Variants in CHD4 observed in about 807,000 individuals in gnomAD.
The protein encoded by CHD4 is chromodomain helicase DNA binding protein 4.
A neutral mutation model predicts 235.5 loss-of-function variants in CHD4; 35 were observed. The ratio of observed to expected loss-of-function variants is 0.15; its 90% CI spans 0.11 to 0.20. The LOEUF is 0.20. CHD4 is among the 10% of genes least tolerant of loss of function. The pLI is 1.00. For synonymous variants in CHD4, 900 were observed against 850.2 expected, an observed-to-expected ratio of 1.06 and a Z score of -1.02; for missense variants, 1,329 against 2,432.3, an observed-to-expected ratio of 0.55 and a Z score of 9.54.
chr12:6,577,265 CA>C (rs74687199), intron 37 of CHD4, among the ~76,000 whole-genome samples: 1 of 151,208 alleles, frequency 6.6e-6, no homozygotes, highest in African/African-American at 2.4e-5. Context: ...ACTAAAAATC[CA>C]AAAAAAACAG....
rs1565612552 is a variant in CHD4 at position 6,593,623 on chromosome 12, G to A, written c.2314-7C>T. ...AGGGGCCTTTGGAATGACCCTTTGA[G>A]AAAAAAGAGGAGAGTCAGGACTGAG... On this transcript the variant is annotated splice_region_variant and splice_polypyrimidine_tract_variant and intron_variant, in intron 15 of 39. Coordinates refer to ENST00000544040, the MANE Select transcript of CHD4 (RefSeq NM_001273.5). The surrounding 1 kb of genome is among the most constrained non-coding windows in gnomAD (Gnocchi z 4.9). 4 of 1,612,370 alleles carry A rather than the reference G, an allele frequency of 2.5e-6. No individual in the cohort carries two copies. Among genetic ancestry groups the A allele is most frequent in the Admixed American group, 3.4e-5 (2 of 59,454 alleles).
intron 14 of CHD4, among the ~76,000 whole-genome samples, 161 bp downstream of exon 14, chr12:6,595,173 G>A (rs563520956): frequency 6.6e-6 from 1 of 151,518 alleles, no homozygotes; most frequent in African/African-American, 2.4e-5. Flanking sequence ...AGTGCTTTCT[G>A]ATATATAGAG....
intron 12 of CHD4, among the ~76,000 whole-genome samples, chr12:6,596,483 T>C (rs1243130958): frequency 5.1e-5 from 7 of 138,228 alleles, no homozygotes; most frequent in Non-Finnish European, 9.2e-5. Context: ...AACCCGTCTC[T>C]ACTAAAAAAA....
chr12:6,573,509 G>A (rs986140711), intron 37 of CHD4: 3 of 309,984 alleles, frequency 9.7e-6, no homozygotes, highest in Non-Finnish European at 1.7e-5. Context: ...ATACAAAAGC[G>A]ATAAAAACTC....
chr12:6,584,864 A>G (rs1183458319), intron 25 of CHD4: 1 of 152,236 alleles, frequency 6.6e-6, no homozygotes, highest in Non-Finnish European at 1.5e-5. Context: ...TATTACATTC[A>G]CTGCCACTGA....
At chr12:6,592,957 CTGT>C in intron 17 of CHD4, 131 bp downstream of exon 17, 1 of 1,502,192 alleles carries the variant, frequency 6.7e-7, no homozygotes, top group Non-Finnish European at 9.0e-7. Flanking sequence ...CCACCAAGGG[CTGT>C]CACATACAAG....
chr12:6,600,634 G>A lies in CHD4; in HGVS notation c.963C>T (p.Phe321=), dbSNP rs371206767. ...EDDDLDVESD[F]DDASINSYSV... ...AATAGCTATTGATACTGGCATCATC[G>A]AAGTCAGATTCCACATCTAAGTCAT... is the stretch of plus-strand genomic sequence containing the variant. The change falls in exon 8 of 40, where the codon TTC becomes TTT. Residue 321 remains phenylalanine (F), a synonymous_variant. Transcript: ENST00000544040. The A allele has an allele frequency of 7.4e-6, 12 of 1,613,930 alleles. No individual in the cohort carries two copies. Among genetic ancestry groups the A allele is most frequent in the Admixed American group, 1.7e-5 (1 of 59,980 alleles).
At chr12:6,589,493 G>A (rs563876922) in intron 22 of CHD4, among the ~76,000 whole-genome samples, 118 of 152,320 alleles carry the variant, frequency 7.7e-4, no homozygotes, top group African/African-American at 2.7e-3. Flanking sequence ...CATCGACTGG[G>A]CGTGGTGGCT....
chr12:6,600,459 C>T, intron 8 of CHD4, 64 bp from the exon 9 acceptor site: 2 of 1,605,156 alleles, frequency 1.2e-6, no homozygotes, highest in Non-Finnish European at 1.7e-6. Flanking sequence ...CCCCCCGACC[C>T]CTATCTCCTT....
intron 37 of CHD4, among the ~76,000 whole-genome samples, chr12:6,576,577 T>C (rs1948074774): frequency 6.6e-6 from 1 of 152,190 alleles, no homozygotes; most frequent in African/African-American, 2.4e-5. Context: ...AATGCTGAGA[T>C]TAGCCACTGT....
intron 6 of CHD4, 47 bp from the exon 7 acceptor site, chr12:6,601,100 G>T: frequency 6.6e-7 from 1 of 1,526,038 alleles, no homozygotes; most frequent in Non-Finnish European, 8.8e-7. Context: ...CCAAAGATGG[G>T]GAAAATAAAA....
intron 22 of CHD4, among the ~76,000 whole-genome samples, chr12:6,589,682 G>C (rs532676336): frequency 1.3e-5 from 2 of 151,636 alleles, no homozygotes; most frequent in Non-Finnish European, 2.9e-5. Context: ...CAGCAGAATG[G>C]CTTGAACCCG....
Position 6,591,147 on chromosome 12 carries a change from A to C in CHD4, c.3340+319T>G, listed in dbSNP as rs571079796. The C allele has an allele frequency of 3.8e-4, 71 of 185,786 alleles. No individual in the cohort carries two copies. In the South Asian group the frequency reaches 6.0e-3, roughly 16 times the overall value. 11.5% of individuals were successfully genotyped at this position (185,786 alleles called of 1,614,324 possible). A position where few individuals can be genotyped will look rare whatever the true frequency, so the allele number is the denominator to read the frequency against. ...CAAAAAAAAAAAAAAAAAAAAAAAA[A>C]AAAACCTAGTAGCGTCTACTGAGGC... On this transcript the variant is annotated intron_variant, in intron 22 of 39. Coordinates refer to ENST00000544040, the MANE Select transcript of CHD4 (RefSeq NM_001273.5).
At chr12:6,590,308 A>G (rs1467748511) in intron 22 of CHD4, 1 of 152,230 alleles carries the variant, frequency 6.6e-6, no homozygotes, top group Non-Finnish European at 1.5e-5. Context: ...CTGAAACAGA[A>G]AACAGACATC....
intron 13 of CHD4, 128 bp from the exon 14 acceptor site, chr12:6,595,558 C>A (rs200301256): frequency 1.6e-5 from 11 of 699,118 alleles, no homozygotes; most frequent in Admixed American, 2.5e-5. Context: ...GAGGCTGAGA[C>A]GGGCGGATCA....
At chr12:6,596,735 G>A (rs1446579061) in intron 12 of CHD4, among the ~76,000 whole-genome samples, 4 of 152,060 alleles carry the variant, frequency 2.6e-5, no homozygotes, top group African/African-American at 9.7e-5. Context: ...GGGCGGCGGA[G>A]GTTGCAGCAA....
At chr12:6,577,648 G>C in intron 37 of CHD4, 137 bp downstream of exon 37, 1 of 1,174,454 alleles carries the variant, frequency 8.5e-7, no homozygotes, top group East Asian at 2.4e-5. Context: ...TAATGTGTAA[G>C]TTACTTGGGA....
At chr12:6,580,715 A>AACAAAACAAAC in intron 33 of CHD4, 1 of 226,940 alleles carries the variant, frequency 4.4e-6, no homozygotes, top group Non-Finnish European at 8.2e-6. Flanking sequence ...AAAAAAAAAA[A>AACAAAACAAAC]AAAAAAAAAA....
chr12:6,605,308 C>G (rs879794396), intron 2 of CHD4, among the ~76,000 whole-genome samples: 5 of 152,050 alleles, frequency 3.3e-5, no homozygotes, highest in Non-Finnish European at 7.4e-5. Context: ...AACTAGAAAA[C>G]ATGAAGGTCA....
Sources: gnomAD v4.1 joint callset for allele counts (sites outside exome capture counted in the v4.1 genomes callset) on GRCh38, gnomAD v4.1.1 for gene constraint, Gnocchi (gnomAD v3.1) non-coding constraint, MANE v1.5 for transcripts, NCBI Gene and HGNC (gene_info 2026-07-23, HGNC 2026-07-21) for gene names.